The following DNER variants were observed in gnomAD, a reference collection of about 807,000 sequenced individuals.
DNER encodes the protein delta/notch like EGF repeat containing.
A neutral mutation model predicts 78.2 loss-of-function variants in DNER; 33 were observed. The ratio of observed to expected loss-of-function variants is 0.42; its 90% confidence interval spans 0.32 to 0.56. The LOEUF is 0.56. Ranked by LOEUF, DNER falls within the 20% of genes least tolerant of loss-of-function variation. The probability of loss-of-function intolerance (pLI) is 0.11; values close to 1 mark genes in which losing one functional copy is unlikely to be tolerated. For missense variants in DNER, 918 were observed against 975.3 expected (o/e 0.94, Z 0.78); for synonymous variants, 417 against 384.8 (o/e 1.08, Z -0.98).
At chr2:229,650,088 A>G (rs1042402520) in intron 1 of DNER, among the ~76,000 whole-genome samples, 37 of 151,868 alleles carry the variant, frequency 2.4e-4, no homozygotes, top group Admixed American at 7.9e-4. Context: ...AAAAAAAAAA[A>G]AAAAGAAATG....
At chr2:229,571,442 C>G (rs1276258905) in intron 4 of DNER, among the ~76,000 whole-genome samples, 1 of 152,072 alleles carries the variant, frequency 6.6e-6, no homozygotes, top group East Asian at 1.9e-4. Flanking sequence ...CTCACTTTCT[C>G]CTCCCATGTG....
chr2:229,667,845 G>T (rs1699120005), intron 1 of DNER, among the ~76,000 whole-genome samples: 1 of 152,226 alleles, frequency 6.6e-6, no homozygotes, highest in African/African-American at 2.4e-5. Context: ...ACAGCAAGGA[G>T]TGATAATTTG....
At chr2:229,389,926 A>G (rs1363170519) in intron 10 of DNER, among the ~76,000 whole-genome samples, 1 of 152,258 alleles carries the variant, frequency 6.6e-6, no homozygotes, top group Non-Finnish European at 1.5e-5. Context: ...AGAAAAAAAC[A>G]TGAAATTGAT....
intron 4 of DNER, among the ~76,000 whole-genome samples, chr2:229,573,179 C>T (rs1697244967): frequency 6.6e-6 from 1 of 152,072 alleles, no homozygotes; most frequent in Non-Finnish European, 1.5e-5. Flanking sequence ...ATTTGTCTAC[C>T]AAGCAAATAT....
chr2:229,552,900 C>A (rs1696776083), intron 4 of DNER, among the ~76,000 whole-genome samples: 1 of 152,052 alleles, frequency 6.6e-6, no homozygotes. Flanking sequence ...CTTTGTCTGG[C>A]CAGAGGACTA....
At chr2:229,501,297 T>G (rs947403327) in intron 6 of DNER, among the ~76,000 whole-genome samples, 1 of 151,150 alleles carries the variant, frequency 6.6e-6, no homozygotes, top group Non-Finnish European at 1.5e-5. Flanking sequence ...GGATTTTAAG[T>G]GTTCTCACCA....
At chr2:229,695,813 A>G (rs1699654730) in intron 1 of DNER, among the ~76,000 whole-genome samples, 1 of 152,164 alleles carries the variant, frequency 6.6e-6, no homozygotes, top group Non-Finnish European at 1.5e-5. Flanking sequence ...ACGGAGGATG[A>G]ATAGTAAGCT....
chr2:229,361,049 T>A (rs1317612997), intron 12 of DNER, among the ~76,000 whole-genome samples: 1 of 152,192 alleles, frequency 6.6e-6, no homozygotes, highest in East Asian at 1.9e-4. Context: ...AAATGCTGTA[T>A]CTACCATATG....
chr2:229,434,685 A>T (rs903636660), intron 8 of DNER, among the ~76,000 whole-genome samples: 2 of 152,130 alleles, frequency 1.3e-5, no homozygotes, highest in African/African-American at 4.8e-5. Flanking sequence ...ATATATGTTA[A>T]TAACCTGAAG....
intron 11 of DNER, among the ~76,000 whole-genome samples, chr2:229,374,146 T>C (rs1431690702): frequency 6.6e-6 from 1 of 151,768 alleles, no homozygotes; most frequent in Non-Finnish European, 1.5e-5. Flanking sequence ...CCAGCCTGGG[T>C]GAGACCCTGT....
intron 1 of DNER, among the ~76,000 whole-genome samples, chr2:229,652,230 T>C (rs1698832712): frequency 6.6e-6 from 1 of 152,228 alleles, no homozygotes; most frequent in South Asian, 2.1e-4. Flanking sequence ...CAGATTCATG[T>C]TCTGCTGGGG....
chr2:229,654,112 C>A (rs910554254), intron 1 of DNER, among the ~76,000 whole-genome samples: 1 of 152,000 alleles, frequency 6.6e-6, no homozygotes, highest in Non-Finnish European at 1.5e-5. Flanking sequence ...TGCTATCCCC[C>A]ACTCCCCCCA....
chr2:229,480,036 G>A (rs1695122955), intron 6 of DNER, among the ~76,000 whole-genome samples: 1 of 152,178 alleles, frequency 6.6e-6, no homozygotes, highest in African/African-American at 2.4e-5. Context: ...TTTGGTCTCA[G>A]AAGTGAGAGA....
chr2:229,384,773 C>G (rs1487444191), intron 11 of DNER, among the ~76,000 whole-genome samples: 1 of 152,018 alleles, frequency 6.6e-6, no homozygotes, highest in Non-Finnish European at 1.5e-5. Flanking sequence ...TAATTAATAG[C>G]CTACAAACCA....
rs769205597 is a variant in DNER, at chr2:229,604,256, CT to C, written c.277-12369del. On this transcript the variant is annotated intron_variant, in intron 1 of 12. Coordinates refer to ENST00000341772, the MANE Select transcript of DNER (RefSeq NM_139072.4). Reference sequence around the variant, plus strand: ...ATTTTTAAATAGGACAAATGACATGCTCTTTATTTTTAAAGAATAAATAAAG... The same window carrying C: ...ATTTTTAAATAGGACAAATGACATGCCTTTATTTTTAAAGAATAAATAAAG... Among the ~76,000 whole-genome samples, 20 of 152,196 alleles carry C rather than the reference CT, an allele frequency of 1.3e-4. 1 individual carries two copies. Among genetic ancestry groups the C allele is most frequent in the Admixed American group, 3.3e-4 (5 of 15,282 alleles).
chr2:229,492,266 G>T (rs1260323877), intron 6 of DNER, among the ~76,000 whole-genome samples: 1 of 152,194 alleles, frequency 6.6e-6, no homozygotes, highest in African/African-American at 2.4e-5. Flanking sequence ...GATCACACAA[G>T]GTCACACAAC....
intron 8 of DNER, among the ~76,000 whole-genome samples, chr2:229,424,138 G>C (rs116782672): frequency 0.02 from 2,978 of 152,280 alleles, 59 homozygotes; most frequent in African/African-American, 0.042. Context: ...AGGTGCCCTG[G>C]GTACTGCCTA....
intron 1 of DNER, among the ~76,000 whole-genome samples, chr2:229,694,275 C>T (rs562478355): frequency 1.6e-4 from 24 of 152,304 alleles, no homozygotes; most frequent in African/African-American, 5.5e-4. Flanking sequence ...GGCAGAGCCC[C>T]CATGGAGAAC....
At chr2:229,658,337 T>C (rs931940116) in intron 1 of DNER, among the ~76,000 whole-genome samples, 19 of 152,230 alleles carry the variant, frequency 1.2e-4, no homozygotes, top group African/African-American at 4.3e-4. Context: ...TGGTCCTATT[T>C]ACCGTGGTTG....
Sources: allele counts gnomAD v4.1 joint callset (sites outside exome capture counted in the v4.1 genomes callset), GRCh38; gene constraint gnomAD v4.1.1; transcripts MANE v1.5; gene names NCBI Gene and HGNC (gene_info 2026-07-23, HGNC 2026-07-21).